The following RORA variants were observed in gnomAD, a reference collection of about 807,000 sequenced individuals.
The protein encoded by RORA is RAR related orphan receptor A.
A neutral mutation model predicts 69.5 loss-of-function variants in RORA; 7 were observed. The observed-to-expected ratio is 0.10, with a 90% CI of 0.06 to 0.19. RORA has a LOEUF of 0.19. Ranked by LOEUF, RORA falls within the 10% of genes least tolerant of loss-of-function variation. The pLI is 1.00. For synonymous variants in RORA, 261 were observed against 240.8 expected, an observed-to-expected ratio of 1.08 and a Z score of -0.78; for missense variants, 457 against 663.0, an observed-to-expected ratio of 0.69 and a Z score of 3.41.
chr15:61,203,243 G>C (rs1287554342), intron 1 of RORA, among the ~76,000 whole-genome samples: 1 of 152,174 alleles, frequency 6.6e-6, no homozygotes, highest in African/African-American at 2.4e-5. Flanking sequence ...AACACATTTG[G>C]CATGTTTCCA....
intron 2 of RORA, among the ~76,000 whole-genome samples, chr15:60,638,112 A>G (rs2140667336): frequency 6.6e-6 from 1 of 152,302 alleles, no homozygotes; most frequent in Non-Finnish European, 1.5e-5. Flanking sequence ...GAAAATTTCC[A>G]GTGAGGAGAT....
At chr15:61,054,065 G>A (rs2078055940) in intron 1 of RORA, among the ~76,000 whole-genome samples, 1 of 151,776 alleles carries the variant, frequency 6.6e-6, no homozygotes, top group Non-Finnish European at 1.5e-5. Flanking sequence ...CTGGGTGGTA[G>A]GTGTGACTTG....
intron 1 of RORA, among the ~76,000 whole-genome samples, chr15:60,940,883 C>T (rs957969316): frequency 3.3e-5 from 5 of 152,086 alleles, no homozygotes; most frequent in South Asian, 2.1e-4. Context: ...GCCAAGATCG[C>T]ACCACCGCAC....
intron 1 of RORA, among the ~76,000 whole-genome samples, chr15:61,048,771 G>C (rs1897160048): frequency 6.6e-6 from 1 of 152,202 alleles, no homozygotes; most frequent in African/African-American, 2.4e-5. Context: ...GCTGGCAGGA[G>C]AGTGAGGTCT....
At chr15:60,604,286 T>G (rs1246088908) in intron 2 of RORA, among the ~76,000 whole-genome samples, 2 of 152,228 alleles carry the variant, frequency 1.3e-5, no homozygotes, top group Non-Finnish European at 2.9e-5. Flanking sequence ...TAGGACGCTG[T>G]GTGCACATAC....
At chr15:60,944,718 G>T (rs1892815036) in intron 1 of RORA, among the ~76,000 whole-genome samples, 1 of 144,842 alleles carries the variant, frequency 6.9e-6, no homozygotes, top group Non-Finnish European at 1.5e-5. Context: ...AAAAAAAGCA[G>T]CATGGCCCAG....
At chr15:60,590,479 T>C (rs1408933819) in intron 2 of RORA, among the ~76,000 whole-genome samples, 1 of 152,168 alleles carries the variant, frequency 6.6e-6, no homozygotes, top group Non-Finnish European at 1.5e-5. Flanking sequence ...TACTGTTCAT[T>C]AGGGGAGAAA....
intron 1 of RORA, among the ~76,000 whole-genome samples, chr15:61,177,499 A>T (rs958236425): frequency 1.5e-4 from 23 of 152,222 alleles, no homozygotes; most frequent in Non-Finnish European, 2.2e-4. Context: ...GTTTACAACG[A>T]TGTGAAAAAT....
chr15:60,922,044 G>T (rs530962164), intron 1 of RORA, among the ~76,000 whole-genome samples: 4 of 152,022 alleles, frequency 2.6e-5, no homozygotes, highest in Non-Finnish European at 5.9e-5. Context: ...CTCCCCAACC[G>T]TTAAAAAATA....
intron 1 of RORA, among the ~76,000 whole-genome samples, chr15:61,004,211 G>A (rs1008755313): frequency 6.6e-6 from 1 of 151,914 alleles, no homozygotes; most frequent in Non-Finnish European, 1.5e-5. Flanking sequence ...GCCAAAAAGG[G>A]GGCAGTGGGG....
chr15:60,645,690 A>G (rs1052751272), intron 2 of RORA, among the ~76,000 whole-genome samples: 1 of 152,104 alleles, frequency 6.6e-6, no homozygotes, highest in Non-Finnish European at 1.5e-5. Context: ...AAGGTGACCA[A>G]TTTCCTTACA....
chr15:60,855,789 G>A (rs894834080), intron 1 of RORA, among the ~76,000 whole-genome samples: 2 of 152,038 alleles, frequency 1.3e-5, no homozygotes, highest in Non-Finnish European at 1.5e-5. Flanking sequence ...GCTAATTTTT[G>A]TATTTTCAGT....
chr15:60,600,389 T>C (rs2068785111), intron 2 of RORA, among the ~76,000 whole-genome samples: 1 of 152,228 alleles, frequency 6.6e-6, no homozygotes, highest in Non-Finnish European at 1.5e-5. Context: ...TTATAACTAT[T>C]GACATTTCAG....
rs1472664317 is a variant in RORA, at chr15:61,061,328, G to A, written c.166+167725C>T. 6.6e-6 allele frequency among the ~76,000 whole-genome samples: 1 copy of A among 151,492 alleles called. No individual in the cohort carries two copies. Among genetic ancestry groups the A allele is most frequent in the Non-Finnish European group, 1.5e-5 (1 of 67,956 alleles). Reference sequence around the variant, plus strand: ...AGGTTGTGCCACTGCAGGCGTGCAGGGAGACAGAGCGAGGCTCTATCTTAA... The same window carrying A: ...AGGTTGTGCCACTGCAGGCGTGCAGAGAGACAGAGCGAGGCTCTATCTTAA... On this transcript the variant is annotated intron_variant, in intron 1 of 10. Coordinates refer to ENST00000335670, the MANE Select transcript of RORA (RefSeq NM_134261.3). This position sits in a 1 kb window ranked among gnomAD's most constrained non-coding sequence, Gnocchi z 4.4.
intron 2 of RORA, among the ~76,000 whole-genome samples, chr15:60,591,422 TC>T (rs2068505572): frequency 6.6e-6 from 1 of 152,168 alleles, no homozygotes; most frequent in African/African-American, 2.4e-5. Flanking sequence ...ACTTTAGCTT[TC>T]CCATCAGAAA....
rs2065126150 is a variant in RORA at position 60,494,772 on chromosome 15, A to G, written c.*2683T>C. The G allele has an allele frequency of 6.6e-6, 1 of 152,140 alleles. No homozygotes were observed. Among genetic ancestry groups the G allele is most frequent in the South Asian group, 2.1e-4 (1 of 4,828 alleles). 9.4% of individuals were successfully genotyped at this position (152,140 alleles called of 1,614,324 possible). ...CCTGGGAAGAAGCATCATATTACCT[A>G]TCTTGGTTTACCGTAAAAGCAATGT... On this transcript the variant is annotated 3_prime_UTR_variant, in exon 11 of 11. Coordinates refer to ENST00000335670, the MANE Select transcript of RORA (RefSeq NM_134261.3).
intron 2 of RORA, among the ~76,000 whole-genome samples, chr15:60,608,378 A>G (rs1295059459): frequency 1.3e-5 from 2 of 152,214 alleles, no homozygotes; most frequent in Non-Finnish European, 2.9e-5. Flanking sequence ...TGAAAGGCTA[A>G]GTTTGACACT....
At chr15:61,096,227 A>G (rs1386049674) in intron 1 of RORA, among the ~76,000 whole-genome samples, 1 of 152,142 alleles carries the variant, frequency 6.6e-6, no homozygotes, top group African/African-American at 2.4e-5. Context: ...GCTTTGGGGA[A>G]TGGCTGTGTA....
rs59854874 is a variant in RORA at position 60,683,647 on chromosome 15, TACAC to T, written c.167-4965_167-4962del. Among the ~76,000 whole-genome samples, 427 of 148,728 alleles carry T rather than the reference TACAC, an allele frequency of 2.9e-3. 1 individual carries two copies. The highest frequency in any genetic ancestry group is 4.8e-3 in the South Asian group (22 of 4,614). ...TCCTTCTATTTTACCCAGATACACA[TACAC>T]ACACACACACACACACACACACACG... On this transcript the variant is annotated intron_variant, in intron 1 of 10. Transcript: ENST00000335670.
Sources: gnomAD v4.1 joint callset for allele counts (sites outside exome capture counted in the v4.1 genomes callset) on GRCh38, gnomAD v4.1.1 for gene constraint, Gnocchi (gnomAD v3.1) non-coding constraint, MANE v1.5 for transcripts, NCBI Gene and HGNC (gene_info 2026-07-23, HGNC 2026-07-21) for gene names.